GRIN2A: variants seen among roughly 807,000 people sequenced by gnomAD.
GRIN2A encodes glutamate ionotropic receptor NMDA type subunit 2A.
Under a neutral mutation model 113.4 loss-of-function variants are expected in GRIN2A, and 22 were observed. The ratio of observed to expected loss-of-function variants is 0.19; its 90% confidence interval spans 0.14 to 0.28. GRIN2A has a LOEUF of 0.28. GRIN2A is among the 10% of genes least tolerant of loss of function. The pLI is 1.00. For missense variants in GRIN2A, 1,502 were observed against 1,887.0 expected, an observed-to-expected ratio of 0.80 and a Z score of 3.78; for synonymous variants, 827 against 738.4, an observed-to-expected ratio of 1.12 and a Z score of -1.94.
At chr16:9,798,553 A>G in intron 10 of GRIN2A, 89 bp from the exon 11 acceptor site, 3 of 931,312 alleles carry the variant, frequency 3.2e-6, no homozygotes, top group Non-Finnish European at 5.2e-6. Context: ...AAAGCATCCC[A>G]CACTTTCTTT....
intron 2 of GRIN2A, among the ~76,000 whole-genome samples, chr16:10,093,086 G>C (rs1015004708): frequency 2.0e-5 from 3 of 152,060 alleles, no homozygotes; most frequent in Non-Finnish European, 4.4e-5. Context: ...TGATCCACCC[G>C]CCTCAGCCTC....
At chr16:10,037,637 T>G (rs938734031) in intron 2 of GRIN2A, among the ~76,000 whole-genome samples, 2 of 152,186 alleles carry the variant, frequency 1.3e-5, no homozygotes, top group African/African-American at 4.8e-5. Context: ...TTGGTTTTTA[T>G]TTTTTAGAGA....
At chr16:10,176,745 T>C (rs2050155564) in intron 2 of GRIN2A, among the ~76,000 whole-genome samples, 1 of 151,854 alleles carries the variant, frequency 6.6e-6, no homozygotes, top group South Asian at 2.1e-4. Flanking sequence ...ATATACCTAA[T>C]GTAAATGACG....
intron 3 of GRIN2A, among the ~76,000 whole-genome samples, chr16:9,902,991 C>T (rs867139788): frequency 4.8e-5 from 6 of 124,090 alleles, no homozygotes; most frequent in Admixed American, 9.2e-5. Context: ...GTGGGGGTGA[C>T]GGAGTCTCAC....
intron 2 of GRIN2A, among the ~76,000 whole-genome samples, chr16:10,068,595 T>A (rs938646952): frequency 5.9e-5 from 9 of 152,116 alleles, no homozygotes; most frequent in Admixed American, 1.3e-4. Context: ...TCCAAACACT[T>A]CCCACCAGGC....
chr16:9,759,743 T>C lies in GRIN2A; in HGVS notation c.*3406A>G, dbSNP rs539932235. The stretch of plus-strand genomic sequence containing the variant: ...GACATAACAGTAATGAGTGGTGAGA[T>C]TGTGAGATTATAATCCTGCAAGTCT... On this transcript the variant is annotated 3_prime_UTR_variant, in exon 13 of 13. Coordinates refer to ENST00000330684, the MANE Select transcript of GRIN2A (RefSeq NM_001134407.3). 1 of 227,806 alleles carries C rather than the reference T, an allele frequency of 4.4e-6. No homozygotes were observed. The highest frequency in any genetic ancestry group is 8.7e-6 in the Non-Finnish European group (1 of 114,812). 14.1% of individuals were successfully genotyped at this position (227,806 alleles called of 1,614,324 possible). A position where few individuals can be genotyped will look rare whatever the true frequency, so the allele number is the denominator to read the frequency against.
intron 2 of GRIN2A, among the ~76,000 whole-genome samples, chr16:10,084,594 G>T (rs541993846): frequency 3.3e-5 from 5 of 151,882 alleles, no homozygotes; most frequent in East Asian, 1.9e-4. Context: ...TTGCATGTTG[G>T]GTGCCTGCCT....
chr16:10,071,597 G>C (rs2047751465), intron 2 of GRIN2A, among the ~76,000 whole-genome samples: 1 of 152,208 alleles, frequency 6.6e-6, no homozygotes, highest in South Asian at 2.1e-4. Flanking sequence ...GATTGGAGTG[G>C]AGTTTGGGAA....
chr16:9,919,325 T>A (rs1029342218), intron 3 of GRIN2A, among the ~76,000 whole-genome samples: 1 of 152,184 alleles, frequency 6.6e-6, no homozygotes, highest in Non-Finnish European at 1.5e-5. Flanking sequence ...GTTTATTTCA[T>A]GGTGGAAAAA....
chr16:9,946,865 G>C (rs76205397), intron 2 of GRIN2A, among the ~76,000 whole-genome samples: 2,878 of 152,294 alleles, frequency 0.019, 35 homozygotes, highest in Non-Finnish European at 0.024. Flanking sequence ...GTAAGATCGA[G>C]AGTTACCAAG....
chr16:10,106,363 C>T (rs1260214751), intron 2 of GRIN2A, among the ~76,000 whole-genome samples: 1 of 151,726 alleles, frequency 6.6e-6, no homozygotes, highest in African/African-American at 2.4e-5. Context: ...GAATTCGAGA[C>T]CAACCTGGGC....
chr16:9,977,148 C>T (rs528050015), intron 2 of GRIN2A, among the ~76,000 whole-genome samples: 26 of 152,236 alleles, frequency 1.7e-4, no homozygotes, highest in African/African-American at 5.1e-4. Context: ...TTAAACAAGC[C>T]AGGTGTGGGG....
At chr16:9,835,056 G>T (rs2042563349) in intron 7 of GRIN2A, among the ~76,000 whole-genome samples, 1 of 152,100 alleles carries the variant, frequency 6.6e-6, no homozygotes, top group African/African-American at 2.4e-5. Flanking sequence ...TGTTGGAAAA[G>T]AATTATAAAA....
chr16:9,812,890 A>G (rs977508848), intron 10 of GRIN2A, among the ~76,000 whole-genome samples: 1 of 152,210 alleles, frequency 6.6e-6, no homozygotes, highest in Non-Finnish European at 1.5e-5. Flanking sequence ...AGGCTCCACA[A>G]TTGTGAAAGA....
intron 2 of GRIN2A, among the ~76,000 whole-genome samples, chr16:10,177,251 A>T (rs2050166643): frequency 6.6e-6 from 1 of 152,212 alleles, no homozygotes; most frequent in South Asian, 2.1e-4. Flanking sequence ...TTCTAAATAC[A>T]TCCCCAGTTT....
At chr16:10,089,446 A>G (rs564675376) in intron 2 of GRIN2A, among the ~76,000 whole-genome samples, 4 of 152,338 alleles carry the variant, frequency 2.6e-5, no homozygotes, top group East Asian at 1.9e-4. Flanking sequence ...TGTAACCACC[A>G]TAAGTGTTAC....
chr16:9,900,421 T>C (rs2043897839), intron 3 of GRIN2A, among the ~76,000 whole-genome samples: 1 of 152,160 alleles, frequency 6.6e-6, no homozygotes, highest in Admixed American at 6.5e-5. Flanking sequence ...CAAGGGTGAC[T>C]CCTTAAGGAG....
chr16:9,812,855 G>A (rs1013902381), intron 10 of GRIN2A, among the ~76,000 whole-genome samples: 2 of 152,180 alleles, frequency 1.3e-5, no homozygotes, highest in Non-Finnish European at 2.9e-5. Context: ...CTTAGGGAAA[G>A]TCAGTAAACA....
intron 2 of GRIN2A, among the ~76,000 whole-genome samples, chr16:10,013,672 C>T (rs563343192): frequency 1.3e-5 from 2 of 152,320 alleles, no homozygotes; most frequent in African/African-American, 4.8e-5. Context: ...CAACCAGCAT[C>T]CTCCTGGGTC....
Sources: allele counts gnomAD v4.1 joint callset (sites outside exome capture counted in the v4.1 genomes callset), GRCh38; gene constraint gnomAD v4.1.1; transcripts MANE v1.5; gene names NCBI Gene and HGNC (gene_info 2026-07-23, HGNC 2026-07-21).